PRKN: variants seen among roughly 807,000 people sequenced by gnomAD.
PRKN encodes the protein parkin RBR E3 ubiquitin protein ligase, also known as E3 ubiquitin-protein ligase parkin.
Under a neutral mutation model 59.5 loss-of-function variants are expected in PRKN, and 56 were observed. That is an observed-to-expected ratio of 0.94 (90% CI 0.76 to 1.18). The LOEUF (loss-of-function observed/expected upper bound fraction) is 1.18. PRKN is among the 50% of genes most tolerant of loss of function. The probability of loss-of-function intolerance (pLI) is 0.00; values close to 1 mark genes in which losing one functional copy is unlikely to be tolerated. For synonymous variants in PRKN, 250 were observed against 222.1 expected, an observed-to-expected ratio of 1.13 and a Z score of -1.12; for missense variants, 657 against 596.4, an observed-to-expected ratio of 1.10 and a Z score of -1.06.
intron 7 of PRKN, among the ~76,000 whole-genome samples, chr6:161,627,170 T>G (rs1466128118): frequency 1.3e-5 from 2 of 152,168 alleles, no homozygotes; most frequent in African/African-American, 4.8e-5. Flanking sequence ...GAGAAAAGCC[T>G]AGGAAACAGA....
chr6:161,607,859 G>A (rs553907465), intron 7 of PRKN, among the ~76,000 whole-genome samples: 42 of 152,334 alleles, frequency 2.8e-4, no homozygotes, highest in African/African-American at 9.1e-4. Context: ...AAGGACAGCC[G>A]TCACAGTGAG....
intron 5 of PRKN, among the ~76,000 whole-genome samples, chr6:161,976,464 A>G (rs1009272823): frequency 6.6e-6 from 1 of 152,200 alleles, no homozygotes. Flanking sequence ...AGTCCTGCCC[A>G]TGAGTCCAGG....
chr6:161,923,966 T>C (rs1778875037), intron 6 of PRKN, among the ~76,000 whole-genome samples: 1 of 152,180 alleles, frequency 6.6e-6, no homozygotes, highest in Non-Finnish European at 1.5e-5. Context: ...CAAGCATTTT[T>C]CCCATTCTCT....
chr6:161,659,087 C>T (rs1297277534), intron 7 of PRKN, among the ~76,000 whole-genome samples: 1 of 152,160 alleles, frequency 6.6e-6, no homozygotes, highest in Non-Finnish European at 1.5e-5. Flanking sequence ...TTGACTGTGA[C>T]TGCCTGACAA....
chr6:162,474,045 T>C (rs1335931574), intron 1 of PRKN, among the ~76,000 whole-genome samples: 1 of 152,208 alleles, frequency 6.6e-6, no homozygotes, highest in Non-Finnish European at 1.5e-5. Context: ...ATGTGGGTGA[T>C]TCCAGGATAG....
At chr6:162,429,384 G>A (rs1583558995) in intron 2 of PRKN, among the ~76,000 whole-genome samples, 1 of 152,306 alleles carries the variant, frequency 6.6e-6, no homozygotes. Flanking sequence ...AATGACAGGT[G>A]CTGTGTTAAC....
intron 8 of PRKN, among the ~76,000 whole-genome samples, chr6:161,568,112 T>G (rs1300448800): frequency 2.0e-5 from 3 of 152,262 alleles, no homozygotes; most frequent in African/African-American, 7.2e-5. Context: ...GATTCCAGTT[T>G]CTTATCCTCT....
chr6:162,368,032 G>A (rs1785547240), intron 2 of PRKN, among the ~76,000 whole-genome samples: 1 of 152,152 alleles, frequency 6.6e-6, no homozygotes, highest in South Asian at 2.1e-4. Context: ...GGGTAGAAAA[G>A]AGAAAATGAC....
chr6:162,000,945 C>T (rs1782030914), intron 5 of PRKN, among the ~76,000 whole-genome samples: 1 of 151,748 alleles, frequency 6.6e-6, no homozygotes, highest in African/African-American at 2.4e-5. Context: ...TGTTAAAGAT[C>T]ATTTGACTAT....
chr6:162,597,629 GT>G (rs1214129390), intron 1 of PRKN, among the ~76,000 whole-genome samples: 3 of 152,116 alleles, frequency 2.0e-5, no homozygotes, highest in African/African-American at 2.4e-5. Context: ...CTATTTATCT[GT>G]TTTGAAATGC....
chr6:161,396,238 C>T lies in PRKN; in HGVS notation c.1084-9361G>A, dbSNP rs527895984. 9.9e-5 allele frequency among the ~76,000 whole-genome samples: 15 copies of T among 152,200 alleles called. No individual in the cohort carries two copies. The highest frequency in any genetic ancestry group is 2.1e-4 in the Non-Finnish European group (14 of 68,038). On this transcript the variant is annotated intron_variant, in intron 9 of 11. Coordinates refer to ENST00000366898, the MANE Select transcript of PRKN (RefSeq NM_004562.3). This position sits in a 1 kb window ranked among gnomAD's most constrained non-coding sequence, Gnocchi z 5.4. Reference sequence around the variant, plus strand: ...CCCAGCTCTGGCATTTGTGTCATGGCTTACCTTGTTCCCAAAGGCTAAGGT... The same window carrying T: ...CCCAGCTCTGGCATTTGTGTCATGGTTTACCTTGTTCCCAAAGGCTAAGGT...
At chr6:161,799,496 T>G (rs912322883) in intron 6 of PRKN, among the ~76,000 whole-genome samples, 1 of 152,148 alleles carries the variant, frequency 6.6e-6, no homozygotes, top group Non-Finnish European at 1.5e-5. Context: ...CTGAGTCCAG[T>G]TTGGAGAGCA....
At chr6:161,830,671 G>GTA (rs1309157939) in intron 6 of PRKN, among the ~76,000 whole-genome samples, 2 of 152,070 alleles carry the variant, frequency 1.3e-5, no homozygotes, top group African/African-American at 4.8e-5. Flanking sequence ...TATATTCATG[G>GTA]TATACAACAT....
Position 161,355,989 on chromosome 6 carries a change from C to T in PRKN, c.1285+4099G>A, listed in dbSNP as rs1031861683. On this transcript the variant is annotated intron_variant, in intron 11 of 11. Transcript: ENST00000366898. The surrounding 1 kb of genome is among the most constrained non-coding windows in gnomAD (Gnocchi z 6.8). ...GAGGAGAAGCCCAGCTCGGGCACAG[C>T]CTAAGAGGCCTGAGCTGACGTCCAG... Among the ~76,000 whole-genome samples, 3 of 152,282 alleles carry T rather than the reference C, an allele frequency of 2.0e-5. No individual in the cohort carries two copies. The highest frequency in any genetic ancestry group is 7.2e-5 in the African/African-American group (3 of 41,560).
rs1346107028 is a variant in PRKN at position 161,396,932 on chromosome 6, G to GATCA, written c.1084-10059_1084-10056dup. 1.3e-5 allele frequency among the ~76,000 whole-genome samples: 2 copies of GATCA among 152,158 alleles called. No homozygotes were observed. The highest frequency in any genetic ancestry group is 4.8e-5 in the African/African-American group (2 of 41,428). The stretch of plus-strand genomic sequence containing the variant: ...TTTGGAGGTTTTGCAGCTCCTCAAT[G>GATCA]ATCAATCAATCAATCAGTCAAAATG... On this transcript the variant is annotated intron_variant, in intron 9 of 11. Transcript: ENST00000366898. This position sits in a 1 kb window ranked among gnomAD's most constrained non-coding sequence, Gnocchi z 5.4.
chr6:162,226,869 T>A (rs887492126), intron 3 of PRKN, among the ~76,000 whole-genome samples: 1 of 152,160 alleles, frequency 6.6e-6, no homozygotes, highest in African/African-American at 2.4e-5. Flanking sequence ...TCAGGCCAAA[T>A]CAGTTCTTCA....
In PRKN at chr6:161,444,551, C is replaced by T. The variant is rs1583076055; in HGVS notation, c.1084-57674G>A. Reference sequence around the variant, plus strand: ...CCTGCAGCCCCTGGTTAGTGGGAGACGCAGAGCAGGCATTCAGTCAGCAAA... The same window carrying T: ...CCTGCAGCCCCTGGTTAGTGGGAGATGCAGAGCAGGCATTCAGTCAGCAAA... On this transcript the variant is annotated intron_variant, in intron 9 of 11. Coordinates refer to ENST00000366898, the MANE Select transcript of PRKN (RefSeq NM_004562.3). This position sits in a 1 kb window ranked among gnomAD's most constrained non-coding sequence, Gnocchi z 5.6. Among the ~76,000 whole-genome samples the T allele has an allele frequency of 6.6e-6, 1 of 152,330 alleles. No homozygotes were observed. Among genetic ancestry groups the T allele is most frequent in the Non-Finnish European group, 1.5e-5 (1 of 68,036 alleles).
At chr6:161,845,348 A>G (rs1446712915) in intron 6 of PRKN, among the ~76,000 whole-genome samples, 1 of 152,158 alleles carries the variant, frequency 6.6e-6, no homozygotes, top group Admixed American at 6.5e-5. Flanking sequence ...TGGAACGAGG[A>G]AAAAATGTCT....
chr6:161,621,780 T>C (rs1433619597), intron 7 of PRKN, among the ~76,000 whole-genome samples: 1 of 152,198 alleles, frequency 6.6e-6, no homozygotes, highest in Non-Finnish European at 1.5e-5. Flanking sequence ...TAGTTAACCT[T>C]GCTGGTCACC....
Sources: gnomAD v4.1 joint callset for allele counts (sites outside exome capture counted in the v4.1 genomes callset) on GRCh38, gnomAD v4.1.1 for gene constraint, Gnocchi (gnomAD v3.1) non-coding constraint, MANE v1.5 for transcripts, NCBI Gene and HGNC (gene_info 2026-07-23, HGNC 2026-07-21) for gene names.